NEK1: variants seen among roughly 807,000 people sequenced by gnomAD.
NEK1 encodes the protein NIMA related kinase 1.
Under a neutral mutation model 182.1 loss-of-function variants are expected in NEK1, and 137 were observed. The observed-to-expected ratio is 0.75, with a 90% CI of 0.65 to 0.87. NEK1 has a LOEUF of 0.87. NEK1 is among the 40% of genes least tolerant of loss of function. NEK1 has a pLI of 0.00. For missense variants in NEK1, 1,391 were observed against 1,494.4 expected (o/e 0.93, Z 1.14); for synonymous variants, 513 against 492.2 (o/e 1.04, Z -0.56).
chr4:169,531,957 A>C (rs1407795770), intron 19 of NEK1, among the ~76,000 whole-genome samples: 1 of 152,230 alleles, frequency 6.6e-6, no homozygotes, highest in Non-Finnish European at 1.5e-5. Context: ...TAGGAATAAA[A>C]AACAACTAAC....
chr4:169,527,383 T>C (rs2149776581), intron 19 of NEK1, among the ~76,000 whole-genome samples: 1 of 152,116 alleles, frequency 6.6e-6, no homozygotes, highest in South Asian at 2.1e-4. Flanking sequence ...GTAATAGAAA[T>C]AAGTATTTGT....
chr4:169,418,504 G>A (rs900664155), intron 31 of NEK1, among the ~76,000 whole-genome samples: 3 of 152,190 alleles, frequency 2.0e-5, no homozygotes, highest in Admixed American at 2.0e-4. Flanking sequence ...TATTAAGCCA[G>A]CTATTTTAAT....
At chr4:169,493,316 C>G (rs984491750) in intron 23 of NEK1, among the ~76,000 whole-genome samples, 2 of 151,984 alleles carry the variant, frequency 1.3e-5, no homozygotes, top group Admixed American at 1.3e-4. Context: ...AACACAAATC[C>G]AAAAAAAGAA....
intron 6 of NEK1, among the ~76,000 whole-genome samples, chr4:169,590,303 C>T (rs1768231570): frequency 1.4e-5 from 2 of 147,376 alleles, no homozygotes; most frequent in African/African-American, 5.3e-5. Context: ...AGCGAGACTC[C>T]GTCTCAAAAA....
intron 19 of NEK1, among the ~76,000 whole-genome samples, chr4:169,534,056 T>C (rs1191603476): frequency 1.3e-5 from 2 of 152,170 alleles, no homozygotes; most frequent in Non-Finnish European, 2.9e-5. Context: ...TTAGCAACAA[T>C]GTAAGTAGGA....
chr4:169,605,929 T>A (rs2150153335), intron 2 of NEK1, among the ~76,000 whole-genome samples: 1 of 152,258 alleles, frequency 6.6e-6, no homozygotes, highest in Middle Eastern at 3.4e-3. Flanking sequence ...GAATTCAGAA[T>A]CAAGAGACAA....
rs1369757922 is a variant in NEK1, at chr4:169,444,016, AC to A, written c.2588-5758del. Among the ~76,000 whole-genome samples the A allele has an allele frequency of 1.3e-4, 20 of 152,370 alleles. No individual in the cohort carries two copies. The East Asian group carries it at 3.9e-3, about 29-fold the overall frequency. Reference sequence around the variant, plus strand: ...AAGAAGCAAAAACTGGGAGAATTCAACAGCAGACTGATCCTATAAGAAATGC... The same window carrying A: ...AAGAAGCAAAAACTGGGAGAATTCAAAGCAGACTGATCCTATAAGAAATGC... On this transcript the variant is annotated intron_variant, in intron 27 of 35. Transcript: ENST00000507142.
chr4:169,431,415 G>A (rs1737406011), intron 29 of NEK1, among the ~76,000 whole-genome samples: 1 of 152,040 alleles, frequency 6.6e-6, no homozygotes, highest in African/African-American at 2.4e-5. Context: ...AATAAAAATT[G>A]TTAAGTATAT....
At chr4:169,411,478 C>T (rs1377277003) in intron 31 of NEK1, among the ~76,000 whole-genome samples, 1 of 151,982 alleles carries the variant, frequency 6.6e-6, no homozygotes, top group African/African-American at 2.4e-5. Flanking sequence ...AGGCATGTGC[C>T]GCCACACCTG....
chr4:169,501,968 A>G (rs11732275), intron 23 of NEK1, among the ~76,000 whole-genome samples: 13,499 of 152,088 alleles, frequency 0.089, 787 homozygotes, highest in African/African-American at 0.16. Flanking sequence ...TGGTTCTTCA[A>G]AAAGATAAAC....
chr4:169,577,673 G>A (rs940303746), intron 11 of NEK1, among the ~76,000 whole-genome samples: 4 of 152,136 alleles, frequency 2.6e-5, no homozygotes, highest in African/African-American at 9.6e-5. Context: ...AGAATGGCGT[G>A]AACCCAGGAG....
chr4:169,528,113 C>T (rs925543760), intron 19 of NEK1, among the ~76,000 whole-genome samples: 1 of 152,124 alleles, frequency 6.6e-6, no homozygotes, highest in Non-Finnish European at 1.5e-5. Context: ...CCATGATGCC[C>T]AGCTCCTAAT....
At chr4:169,459,520 C>G (rs1415388582) in intron 27 of NEK1, among the ~76,000 whole-genome samples, 1 of 152,136 alleles carries the variant, frequency 6.6e-6, no homozygotes, top group Non-Finnish European at 1.5e-5. Context: ...CAACTGTATT[C>G]CTCTGTATTC....
At chr4:169,539,971 C>G (rs778741931) in intron 18 of NEK1, among the ~76,000 whole-genome samples, 6 of 152,124 alleles carry the variant, frequency 3.9e-5, no homozygotes, top group Non-Finnish European at 7.4e-5. Context: ...TACTAAGAAC[C>G]TGGTCATCTG....
intron 4 of NEK1, among the ~76,000 whole-genome samples, chr4:169,599,938 C>T (rs1770202385): frequency 6.6e-6 from 1 of 151,704 alleles, no homozygotes; most frequent in African/African-American, 2.4e-5. Flanking sequence ...TTTGCTCATG[C>T]TGACCTTGAG....
At chr4:169,491,136 CAAAAAAAAAAAA>C (rs70964208) in intron 23 of NEK1, among the ~76,000 whole-genome samples, 2 of 45,904 alleles carry the variant, frequency 4.4e-5, no homozygotes, top group Non-Finnish European at 6.7e-5. Context: ...GACTCCATCT[CAAAAAAAAAAAA>C]AAAAAAAAAA....
intron 12 of NEK1, among the ~76,000 whole-genome samples, chr4:169,564,957 A>G (rs1458022029): frequency 6.6e-6 from 1 of 152,192 alleles, no homozygotes; most frequent in East Asian, 1.9e-4. Flanking sequence ...TTCCACTCTT[A>G]TGACTAACTA....
At chr4:169,472,550 G>A (rs1746198175) in intron 26 of NEK1, among the ~76,000 whole-genome samples, 1 of 152,172 alleles carries the variant, frequency 6.6e-6, no homozygotes, top group South Asian at 2.1e-4. Context: ...TGGTCTCACT[G>A]GGAACTGCAG....
chr4:169,494,467 T>G (rs1172482934), intron 23 of NEK1, among the ~76,000 whole-genome samples: 1 of 152,238 alleles, frequency 6.6e-6, no homozygotes, highest in Admixed American at 6.5e-5. Context: ...ATGGTGTATA[T>G]GTGCCACATA....
Sources: allele counts gnomAD v4.1 joint callset (sites outside exome capture counted in the v4.1 genomes callset), GRCh38; gene constraint gnomAD v4.1.1; transcripts MANE v1.5; gene names NCBI Gene and HGNC (gene_info 2026-07-23, HGNC 2026-07-21).